Variants in AZIN1 observed in about 807,000 individuals in gnomAD.
AZIN1 encodes the protein ornithine decarboxylase antizyme inhibitor.
In AZIN1, 12 loss-of-function variants were observed where a neutral mutation model predicts 47.4. The ratio of observed to expected loss-of-function variants is 0.25; its 90% CI spans 0.16 to 0.41. The LOEUF (loss-of-function observed/expected upper bound fraction) is 0.41, where lower values mean the gene tolerates loss of function less well. Ranked by LOEUF, AZIN1 falls within the 10% of genes least tolerant of loss-of-function variation. The probability of loss-of-function intolerance (pLI) is 1.00; values close to 1 mark genes in which losing one functional copy is unlikely to be tolerated. For missense variants in AZIN1, 410 were observed against 532.4 expected, an observed-to-expected ratio of 0.77 and a Z score of 2.26; for synonymous variants, 155 against 176.3, an observed-to-expected ratio of 0.88 and a Z score of 0.96.
chr8:102,860,865 T>G (rs983487454), intron 1 of AZIN1, among the ~76,000 whole-genome samples: 1 of 151,982 alleles, frequency 6.6e-6, no homozygotes, highest in Non-Finnish European at 1.5e-5. Context: ...AAACCCCAAG[T>G]TTAGGGGAGG....
chr8:102,849,706 G>T (rs1324376333), intron 2 of AZIN1, among the ~76,000 whole-genome samples: 3 of 152,080 alleles, frequency 2.0e-5, no homozygotes, highest in African/African-American at 7.2e-5. Context: ...GAAAGCTCAG[G>T]TTATTTTACA....
chr8:102,834,595 AAAT>A (rs1296895975), intron 7 of AZIN1, 68 bp downstream of exon 7: 25 of 1,215,264 alleles, frequency 2.1e-5, no homozygotes, highest in Middle Eastern at 5.0e-4. Context: ...CACAGGCAGA[AAAT>A]ACTTAGTCTT....
intron 1 of AZIN1, among the ~76,000 whole-genome samples, chr8:102,862,341 T>G (rs530066260): frequency 6.6e-6 from 1 of 152,286 alleles, no homozygotes; most frequent in African/African-American, 2.4e-5. Context: ...GGTAAAATGT[T>G]AATTACAGAA....
intron 2 of AZIN1, chr8:102,855,531 T>G (rs1283062523): frequency 6.6e-6 from 1 of 152,228 alleles, no homozygotes; most frequent in Non-Finnish European, 1.5e-5. Context: ...CTTCCAAAAT[T>G]TCCAGATACT....
rs1436504151 is a variant in AZIN1 at position 102,827,197 on chromosome 8, AG to A, written c.*1369del. 6.6e-6 allele frequency: 1 copy of A among 152,596 alleles called. No individual in the cohort carries two copies. Among genetic ancestry groups the A allele is most frequent in the Non-Finnish European group, 1.5e-5 (1 of 68,028 alleles). 9.5% of individuals were successfully genotyped at this position (152,596 alleles called of 1,614,324 possible). On this transcript the variant is annotated 3_prime_UTR_variant, in exon 12 of 12. Coordinates refer to ENST00000337198, the MANE Select transcript of AZIN1 (RefSeq NM_148174.4). ...AAATTCCACACCTGAACACAGAGTA[AG>A]TTAGGAAAAAATGACCCCTGTTGTT...
At chr8:102,840,576 A>C (rs984307895) in intron 3 of AZIN1, among the ~76,000 whole-genome samples, 1 of 152,226 alleles carries the variant, frequency 6.6e-6, no homozygotes, top group African/African-American at 2.4e-5. Context: ...TAGATTTTAA[A>C]AGTACATAAG....
At position 102,834,713 on chromosome 8, in the gene AZIN1, C is replaced by T; in HGVS notation, c.619G>A (p.Val207Ile). Reference sequence around the variant, plus strand: ...GCATCAGATAGAGCATGTACATATACTTGAGATTCTTTGCAAGCACTCGAA... The same window carrying T: ...GCATCAGATAGAGCATGTACATATATTTGAGATTCTTTGCAAGCACTCGAA... ...HVSSACKESQVYVHALSDARC... is the reference protein window; with the variant it reads ...HVSSACKESQIYVHALSDARC... The change falls in exon 7 of 12, where the codon GTA (valine) becomes ATA (isoleucine). Residue 207 changes from valine (V) to isoleucine (I), a missense_variant. Coordinates refer to ENST00000337198, the MANE Select transcript of AZIN1 (RefSeq NM_148174.4). The T allele has an allele frequency of 1.2e-6, 2 of 1,612,264 alleles. No individual in the cohort carries two copies. Among genetic ancestry groups the T allele is most frequent in the Non-Finnish European group, 1.7e-6 (2 of 1,178,986 alleles).
intron 2 of AZIN1, among the ~76,000 whole-genome samples, chr8:102,857,184 C>T (rs930705566): frequency 6.6e-6 from 1 of 152,134 alleles, no homozygotes; most frequent in African/African-American, 2.4e-5. Context: ...GTCTAAAATT[C>T]TAATTTGTAT....
chr8:102,842,175 A>G (rs1812242688), intron 3 of AZIN1, among the ~76,000 whole-genome samples: 1 of 152,146 alleles, frequency 6.6e-6, no homozygotes, highest in African/African-American at 2.4e-5. Flanking sequence ...GTAGAAGTTG[A>G]CTCCTAGAGC....
Position 102,834,643 on chromosome 8 carries a change from ATAACT to A in AZIN1, c.666+18_666+22del, listed in dbSNP as rs762163920. 1.9e-6 allele frequency: 3 copies of A among 1,544,130 alleles called. No individual in the cohort carries two copies. The highest frequency in any genetic ancestry group is 2.2e-5 in the East Asian group (1 of 44,502). ...ATCCTGGCTAAAATAAAATATCAAA[ATAACT>A]TAAAAGAAAGAACTTACAGCCATGT... On this transcript the variant is annotated intron_variant, in intron 7 of 11. Coordinates refer to ENST00000337198, the MANE Select transcript of AZIN1 (RefSeq NM_148174.4).
chr8:102,863,188 G>A (rs1486741685), intron 1 of AZIN1, among the ~76,000 whole-genome samples: 1 of 152,096 alleles, frequency 6.6e-6, no homozygotes, highest in Admixed American at 6.5e-5. Flanking sequence ...CCCAAGTGGC[G>A]TCAACTTTCC....
intron 2 of AZIN1, chr8:102,850,020 T>C (rs1054815579): frequency 3.3e-5 from 5 of 152,156 alleles, no homozygotes; most frequent in Non-Finnish European, 5.9e-5. Flanking sequence ...GCTTCTACAG[T>C]TGATTGTACT....
At chr8:102,850,896 C>G (rs1370724461) in intron 2 of AZIN1, among the ~76,000 whole-genome samples, 1 of 152,116 alleles carries the variant, frequency 6.6e-6, no homozygotes, top group African/African-American at 2.4e-5. Flanking sequence ...GTTATAAGCC[C>G]AACAGGCTAA....
chr8:102,862,659 A>G (rs1428100989), intron 1 of AZIN1, among the ~76,000 whole-genome samples: 1 of 152,186 alleles, frequency 6.6e-6, no homozygotes, highest in Non-Finnish European at 1.5e-5. Context: ...ATGCACCTCT[A>G]CATCAACCTT....
chr8:102,844,005 T>A (rs1812392635), intron 2 of AZIN1, among the ~76,000 whole-genome samples: 1 of 152,224 alleles, frequency 6.6e-6, no homozygotes, highest in Non-Finnish European at 1.5e-5. Context: ...GCCTATATGG[T>A]CACCTTACTT....
At chr8:102,858,527 A>T (rs555231084) in intron 1 of AZIN1, among the ~76,000 whole-genome samples, 58 of 152,182 alleles carry the variant, frequency 3.8e-4, no homozygotes, top group Non-Finnish European at 7.1e-4. Context: ...TCACCAACCT[A>T]GTGTATATAC....
At chr8:102,836,743 A>G (rs1811848201) in intron 5 of AZIN1, among the ~76,000 whole-genome samples, 1 of 152,158 alleles carries the variant, frequency 6.6e-6, no homozygotes, top group African/African-American at 2.4e-5. Flanking sequence ...CAATGCCATC[A>G]TTGTCTTTCA....
rs1281046412 is a variant in AZIN1 at position 102,826,981 on chromosome 8, A to G, written c.*1586T>C. Reference sequence around the variant, plus strand: ...GATTTAAATGGGCATTAATCAAATCAAAAAATATTAAGCACCTACTGGTTT... The same window carrying G: ...GATTTAAATGGGCATTAATCAAATCGAAAAATATTAAGCACCTACTGGTTT... On this transcript the variant is annotated 3_prime_UTR_variant, in exon 12 of 12. Transcript: ENST00000337198. 3.9e-5 allele frequency: 6 copies of G among 152,628 alleles called. No individual in the cohort carries two copies. The highest frequency in any genetic ancestry group is 8.8e-5 in the Non-Finnish European group (6 of 68,010). 9.5% of individuals were successfully genotyped at this position (152,628 alleles called of 1,614,324 possible). A position where few individuals can be genotyped will look rare whatever the true frequency, so the allele number is the denominator to read the frequency against.
At chr8:102,828,728 C>T (rs367698387) in intron 11 of AZIN1, 50 bp from the exon 12 acceptor site, 174 of 1,140,874 alleles carry the variant, frequency 1.5e-4, no homozygotes, top group Non-Finnish European at 2.0e-4. Context: ...CCAAAGACCA[C>T]GTAATCACAT....
Sources: allele counts gnomAD v4.1 joint callset (sites outside exome capture counted in the v4.1 genomes callset), GRCh38; gene constraint gnomAD v4.1.1; transcripts MANE v1.5; gene names NCBI Gene and HGNC (gene_info 2026-07-23, HGNC 2026-07-21).